The following PTPRD variants were observed in gnomAD, a reference collection of about 807,000 sequenced individuals.
The protein encoded by PTPRD is protein tyrosine phosphatase receptor type D.
Under a neutral mutation model 214.5 loss-of-function variants are expected in PTPRD, and 34 were observed. The observed-to-expected ratio is 0.16, with a 90% CI of 0.12 to 0.21. PTPRD has a LOEUF of 0.21. Among genes scored for constraint, PTPRD ranks in the 10% least tolerant of loss-of-function variants. PTPRD has a pLI of 1.00. For synonymous variants in PTPRD, 1,128 were observed against 845.7 expected, an observed-to-expected ratio of 1.33 and a Z score of -5.79; for missense variants, 2,545 against 2,398.7, an observed-to-expected ratio of 1.06 and a Z score of -1.27.
chr9:9,781,424 TG>T (rs2098841768), intron 5 of PTPRD, among the ~76,000 whole-genome samples: 1 of 152,040 alleles, frequency 6.6e-6, no homozygotes, highest in East Asian at 1.9e-4. Context: ...TGCTATGTAA[TG>T]GGAAAAAAAG....
chr9:9,827,505 T>C (rs1312551732), intron 5 of PTPRD, among the ~76,000 whole-genome samples: 1 of 152,090 alleles, frequency 6.6e-6, no homozygotes, highest in Non-Finnish European at 1.5e-5. Context: ...CAAAAATTAA[T>C]TCAAGATGGA....
intron 8 of PTPRD, among the ~76,000 whole-genome samples, chr9:9,490,465 C>G (rs2095849226): frequency 6.6e-6 from 1 of 151,994 alleles, no homozygotes; most frequent in Non-Finnish European, 1.5e-5. Flanking sequence ...AGTATTGTAA[C>G]TTTGGTTTGT....
chr9:8,597,938 A>G (rs552658408), intron 14 of PTPRD, among the ~76,000 whole-genome samples: 4 of 152,304 alleles, frequency 2.6e-5, no homozygotes, highest in South Asian at 4.1e-4. Flanking sequence ...CAAAGGACTC[A>G]TCATCCTGAA....
intron 10 of PTPRD, among the ~76,000 whole-genome samples, chr9:9,041,246 G>A (rs553294570): frequency 4.9e-4 from 74 of 152,118 alleles, no homozygotes; most frequent in African/African-American, 1.8e-3. Context: ...AGGGGTACAG[G>A]TGCGGGTTTG....
At chr9:9,529,015 T>A (rs2074846661) in intron 8 of PTPRD, among the ~76,000 whole-genome samples, 1 of 151,042 alleles carries the variant, frequency 6.6e-6, no homozygotes, top group South Asian at 2.1e-4. Context: ...CTTGGTTCAC[T>A]GCAACCTCTG....
At chr9:9,748,461 G>T (rs1349491897) in intron 6 of PTPRD, among the ~76,000 whole-genome samples, 1 of 152,134 alleles carries the variant, frequency 6.6e-6, no homozygotes, top group African/African-American at 2.4e-5. Flanking sequence ...GACGAAAAAA[G>T]ATCTGTCAAT....
intron 2 of PTPRD, among the ~76,000 whole-genome samples, chr9:10,503,189 A>G (rs922642622): frequency 3.6e-5 from 4 of 112,098 alleles, no homozygotes; most frequent in African/African-American, 1.8e-4. Flanking sequence ...ACACAGCTGC[A>G]ATACAAAAAA....
chr9:9,378,396 A>G lies in PTPRD; in HGVS notation c.-203+19053T>C, dbSNP rs187175238. 4.2e-3 allele frequency among the ~76,000 whole-genome samples: 643 copies of G among 152,202 alleles called. 3 individuals are homozygous for G. Among genetic ancestry groups the G allele is most frequent in the African/African-American group, 0.014 (602 of 41,534 alleles). Reference sequence around the variant, plus strand: ...TAGCAGTGAGTATTCCATTGTCTGGATATACCACAGTTTATCCATTCACCT... The same window carrying G: ...TAGCAGTGAGTATTCCATTGTCTGGGTATACCACAGTTTATCCATTCACCT... On this transcript the variant is annotated intron_variant, in intron 9 of 45. Transcript: ENST00000381196.
In PTPRD at chr9:10,278,394, G is replaced by A. The variant is rs1209463931; in HGVS notation, c.-545+62569C>T. Among the ~76,000 whole-genome samples, 4 of 152,290 alleles carry A rather than the reference G, an allele frequency of 2.6e-5. No homozygotes were observed. In the East Asian group the frequency reaches 7.7e-4, roughly 29 times the overall value. ...CTGTACAAACAAAGTGGTTCAGGAG[G>A]TCCTGGAGGTGAGCTTGAGGTCAGT... On this transcript the variant is annotated intron_variant, in intron 3 of 45. Coordinates refer to ENST00000381196, the MANE Select transcript of PTPRD (RefSeq NM_002839.4).
chr9:9,962,443 G>C (rs1373948294), intron 4 of PTPRD, among the ~76,000 whole-genome samples: 2 of 151,946 alleles, frequency 1.3e-5, no homozygotes. Context: ...AATATCTGTT[G>C]AACATATTGA....
At chr9:9,369,478 T>C (rs138901373) in intron 9 of PTPRD, among the ~76,000 whole-genome samples, 1,684 of 152,224 alleles carry the variant, frequency 0.011, 29 homozygotes, top group African/African-American at 0.039. Context: ...TCTTGTAAAT[T>C]TGTTGGAGTT....
chr9:10,374,673 T>C (rs2097693540), intron 2 of PTPRD, among the ~76,000 whole-genome samples: 1 of 152,102 alleles, frequency 6.6e-6, no homozygotes, highest in South Asian at 2.1e-4. Context: ...TGAAGCGTGA[T>C]GCAGTTTTCC....
At chr9:9,900,003 G>C (rs2076010261) in intron 5 of PTPRD, among the ~76,000 whole-genome samples, 1 of 152,018 alleles carries the variant, frequency 6.6e-6, no homozygotes, top group African/African-American at 2.4e-5. Context: ...TAGAATAATA[G>C]TTACCAGAGG....
At position 9,789,724 on chromosome 9, in the gene PTPRD, G is replaced by A. The variant is rs192283526; in HGVS notation, c.-367-22873C>T. On this transcript the variant is annotated intron_variant, in intron 5 of 45. Coordinates refer to ENST00000381196, the MANE Select transcript of PTPRD (RefSeq NM_002839.4). ...AGGAAGGAGAATGGCGTGAACCTGG[G>A]AGGCAGAGCTTGCAGTGAGCCGAGA... 1.1e-4 allele frequency among the ~76,000 whole-genome samples: 15 copies of A among 131,622 alleles called. No individual in the cohort carries two copies. The East Asian group carries it at 1.8e-3, about 15-fold the overall frequency. 86.3% of individuals were successfully genotyped at this position (131,622 alleles called of 152,430 possible). A position where few individuals can be genotyped will look rare whatever the true frequency, so the allele number is the denominator to read the frequency against.
intron 4 of PTPRD, among the ~76,000 whole-genome samples, chr9:9,958,157 T>C (rs1230448686): frequency 2.0e-5 from 3 of 152,144 alleles, no homozygotes; most frequent in African/African-American, 7.2e-5. Flanking sequence ...TAAGTGATGT[T>C]GAGTTTGGCA....
intron 3 of PTPRD, among the ~76,000 whole-genome samples, chr9:10,284,234 A>C (rs571740598): frequency 6.6e-6 from 1 of 152,302 alleles, no homozygotes; most frequent in African/African-American, 2.4e-5. Flanking sequence ...AAAAACATTA[A>C]AAAATTAACA....
In PTPRD at chr9:9,095,943, T is replaced by C. The variant is rs140286393; in HGVS notation, c.-142-77208A>G. On this transcript the variant is annotated intron_variant, in intron 10 of 45. Transcript: ENST00000381196. Reference sequence around the variant, plus strand: ...CCCACAAAAGAACGAGATCTTGCCATTTGCCATAACAAAGATAACCTTGGA... The same window carrying C: ...CCCACAAAAGAACGAGATCTTGCCACTTGCCATAACAAAGATAACCTTGGA... 3.1e-3 allele frequency among the ~76,000 whole-genome samples: 473 copies of C among 152,294 alleles called. 1 individual carries two copies. Among genetic ancestry groups the C allele is most frequent in the African/African-American group, 0.011 (456 of 41,554 alleles).
At chr9:10,403,227 A>AATATATATAT (rs58712564) in intron 2 of PTPRD, among the ~76,000 whole-genome samples, 5,252 of 59,556 alleles carry the variant, frequency 0.088, 667 homozygotes, top group African/African-American at 0.15. Context: ...TGTGTGTGTA[A>AATATATATAT]ATATATATAT....
chr9:8,564,028 C>G (rs2087717283), intron 14 of PTPRD, among the ~76,000 whole-genome samples: 1 of 152,170 alleles, frequency 6.6e-6, no homozygotes, highest in Admixed American at 6.5e-5. Flanking sequence ...AGAAACTACA[C>G]TTTGAATTAT....
Sources: allele counts gnomAD v4.1 joint callset (sites outside exome capture counted in the v4.1 genomes callset), GRCh38; gene constraint gnomAD v4.1.1; transcripts MANE v1.5; gene names NCBI Gene and HGNC (gene_info 2026-07-23, HGNC 2026-07-21).